Variants in PRDM2 observed in about 807,000 individuals in gnomAD.
PRDM2 encodes PR domain zinc finger protein 2.
PRDM2 carries 30 observed loss-of-function variants against 130.0 expected under a neutral mutation model. That is an observed-to-expected ratio of 0.23 (90% CI 0.17 to 0.31). The LOEUF (loss-of-function observed/expected upper bound fraction) is 0.31. Ranked by LOEUF, PRDM2 falls within the 10% of genes least tolerant of loss-of-function variation. PRDM2 has a pLI of 1.00. For synonymous variants in PRDM2, 871 were observed against 782.4 expected, an observed-to-expected ratio of 1.11 and a Z score of -1.89; for missense variants, 2,011 against 2,108.4, an observed-to-expected ratio of 0.95 and a Z score of 0.90.
At chr1:13,801,312 C>T (rs1239737604) in intron 8 of PRDM2, among the ~76,000 whole-genome samples, 1 of 152,238 alleles carries the variant, frequency 6.6e-6, no homozygotes, top group Non-Finnish European at 1.5e-5. Context: ...GTTTGCTTGG[C>T]TCAGCACTGT....
intron 8 of PRDM2, among the ~76,000 whole-genome samples, chr1:13,796,244 T>G (rs1221129210): frequency 6.6e-6 from 1 of 152,182 alleles, no homozygotes; most frequent in East Asian, 1.9e-4. Context: ...CAAGATCTCC[T>G]TTTCCATCTG....
intron 8 of PRDM2, 51 bp from the exon 9 acceptor site, chr1:13,816,376 G>A (rs1445314871): frequency 1.2e-6 from 2 of 1,605,806 alleles, no homozygotes; most frequent in East Asian, 2.2e-5. Context: ...AATGTCTAGG[G>A]CACCGGGCTG....
chr1:13,774,442 C>T (rs1015935458), intron 7 of PRDM2, among the ~76,000 whole-genome samples: 9 of 152,198 alleles, frequency 5.9e-5, no homozygotes, highest in Non-Finnish European at 1.2e-4. Context: ...TGATAACATT[C>T]ATAAAAGATA....
intron 8 of PRDM2, among the ~76,000 whole-genome samples, chr1:13,797,725 T>TA (rs1458916507): frequency 6.6e-6 from 1 of 152,156 alleles, no homozygotes; most frequent in East Asian, 1.9e-4. Flanking sequence ...CCACCTACAT[T>TA]AAAAAATCAC....
chr1:13,800,913 C>T (rs980687560), intron 8 of PRDM2, among the ~76,000 whole-genome samples: 1 of 152,124 alleles, frequency 6.6e-6, no homozygotes, highest in South Asian at 2.1e-4. Context: ...ACGAAGTTGG[C>T]GTTAGGCCCG....
At chr1:13,792,094 A>G (rs1433848004) in intron 8 of PRDM2, among the ~76,000 whole-genome samples, 2 of 152,178 alleles carry the variant, frequency 1.3e-5, no homozygotes, top group Non-Finnish European at 2.9e-5. Flanking sequence ...CAACCACAGA[A>G]AGCTACAGGT....
intron 7 of PRDM2, among the ~76,000 whole-genome samples, chr1:13,777,427 A>C (rs1557643560): frequency 6.6e-6 from 1 of 150,896 alleles, no homozygotes; most frequent in Admixed American, 6.6e-5. Flanking sequence ...CCCTGTTTTC[A>C]CTCAAGAGTA....
At chr1:13,784,882 TG>T (rs1213492959) in intron 8 of PRDM2, among the ~76,000 whole-genome samples, 1 of 152,234 alleles carries the variant, frequency 6.6e-6, no homozygotes, top group African/African-American at 2.4e-5. Flanking sequence ...GTCAGGAATG[TG>T]ATCCAGGGGT....
chr1:13,705,487 C>G (rs1313689064), intron 1 of PRDM2: 1 of 152,094 alleles, frequency 6.6e-6, no homozygotes, highest in South Asian at 2.1e-4. Flanking sequence ...CCTTCCGTGC[C>G]TTTCACAAAG....
At chr1:13,727,286 GGTCT>G (rs1642952095) in intron 2 of PRDM2, among the ~76,000 whole-genome samples, 1 of 151,420 alleles carries the variant, frequency 6.6e-6, no homozygotes, top group South Asian at 2.1e-4. Flanking sequence ...TTTTTGAGAC[GGTCT>G]GTCAGCCAGG....
chr1:13,735,073 C>G (rs1340987723), intron 4 of PRDM2, among the ~76,000 whole-genome samples: 2 of 152,194 alleles, frequency 1.3e-5, no homozygotes, highest in Non-Finnish European at 2.9e-5. Flanking sequence ...ATCAAAGCCC[C>G]TAAGACCAGC....
At position 13,807,890 on chromosome 1, in the gene PRDM2, G is replaced by A. The variant is rs140199652; in HGVS notation, c.5037-8537G>A. Among the ~76,000 whole-genome samples the A allele has an allele frequency of 1.8e-3, 267 of 152,298 alleles. 1 individual carries two copies. Among genetic ancestry groups the A allele is most frequent in the African/African-American group, 6.2e-3 (257 of 41,562 alleles). On this transcript the variant is annotated intron_variant, in intron 8 of 9. Coordinates refer to ENST00000311066, the MANE Select transcript of PRDM2 (RefSeq NM_001393986.1). ...CCATTTCTGAGCCTTCCTATGAGCCGGGAGTGGACCAGGTGTTTGAGGTCT... is the reference window on the plus strand; with the variant it reads ...CCATTTCTGAGCCTTCCTATGAGCCAGGAGTGGACCAGGTGTTTGAGGTCT...
chr1:13,770,266 G>C, intron 6 of PRDM2: 1 of 453,080 alleles, frequency 2.2e-6, no homozygotes, highest in Non-Finnish European at 4.3e-6. Context: ...TTGACATTTA[G>C]TATCAGCTAG....
At chr1:13,710,857 C>T (rs749336205) in intron 1 of PRDM2, among the ~76,000 whole-genome samples, 15 of 152,178 alleles carry the variant, frequency 9.9e-5, no homozygotes, top group African/African-American at 2.6e-4. Context: ...GAGGCTGAGG[C>T]GGACAGATCA....
intron 6 of PRDM2, among the ~76,000 whole-genome samples, chr1:13,764,326 T>C (rs950271297): frequency 2.6e-5 from 4 of 152,196 alleles, no homozygotes; most frequent in African/African-American, 9.7e-5. Flanking sequence ...AGATTTTAGG[T>C]ACATTTTTCA....
intron 8 of PRDM2, among the ~76,000 whole-genome samples, chr1:13,813,178 G>T (rs1645201036): frequency 6.6e-6 from 1 of 152,118 alleles, no homozygotes; most frequent in African/African-American, 2.4e-5. Flanking sequence ...ACCCCAAACT[G>T]GTCTTCCCGA....
chr1:13,810,380 A>C (rs1187991139), intron 8 of PRDM2, among the ~76,000 whole-genome samples: 1 of 151,208 alleles, frequency 6.6e-6, no homozygotes, highest in Non-Finnish European at 1.5e-5. Context: ...TCTTCTATTC[A>C]TTTTGCTGCT....
In PRDM2 at chr1:13,796,708, C is replaced by T. The variant is rs552445111; in HGVS notation, c.5036+13877C>T. Reference sequence around the variant, plus strand: ...CCAAGGCCGCAGTGAGCTATGATTGCACCACTGTGTTCCTGCCTGGCCAGC... The same window carrying T: ...CCAAGGCCGCAGTGAGCTATGATTGTACCACTGTGTTCCTGCCTGGCCAGC... On this transcript the variant is annotated intron_variant, in intron 8 of 9. Transcript: ENST00000311066. Among the ~76,000 whole-genome samples the T allele has an allele frequency of 1.7e-3, 259 of 152,306 alleles. 1 individual carries two copies. The highest frequency in any genetic ancestry group is 6.1e-3 in the African/African-American group (252 of 41,566).
chr1:13,707,208 CAG>C (rs1247884543), intron 1 of PRDM2, among the ~76,000 whole-genome samples: 3 of 152,310 alleles, frequency 2.0e-5, no homozygotes, highest in East Asian at 1.9e-4. Flanking sequence ...CTCTGTTGCT[CAG>C]AGAGTCTTCA....
Sources: allele counts gnomAD v4.1 joint callset (sites outside exome capture counted in the v4.1 genomes callset), GRCh38; gene constraint gnomAD v4.1.1; transcripts MANE v1.5; gene names NCBI Gene and HGNC (gene_info 2026-07-23, HGNC 2026-07-21).